SLC38A4: variants seen among roughly 807,000 people sequenced by gnomAD.
SLC38A4 encodes solute carrier family 38 member 4, also known as sodium-coupled neutral amino acid transporter 4.
In SLC38A4, 20 loss-of-function variants were observed where a neutral mutation model predicts 63.1. The ratio of observed to expected loss-of-function variants is 0.32; its 90% confidence interval spans 0.22 to 0.46. SLC38A4 has a LOEUF of 0.46. SLC38A4 is among the 20% of genes least tolerant of loss of function. SLC38A4 has a pLI of 1.00. For synonymous variants in SLC38A4, 230 were observed against 225.5 expected, an observed-to-expected ratio of 1.02 and a Z score of -0.18; for missense variants, 526 against 663.6, an observed-to-expected ratio of 0.79 and a Z score of 2.28.
intron 14 of SLC38A4, among the ~76,000 whole-genome samples, chr12:46,773,666 C>A (rs547800800): frequency 1.2e-4 from 18 of 152,132 alleles, no homozygotes; most frequent in African/African-American, 4.1e-4. Context: ...CAGTAAATGA[C>A]TTTTACTTCC....
chr12:46,768,765 T>C (rs551566443), intron 15 of SLC38A4, among the ~76,000 whole-genome samples: 40 of 152,234 alleles, frequency 2.6e-4, no homozygotes, highest in African/African-American at 9.6e-4. Flanking sequence ...CTACCCATGG[T>C]TCTTTTAAAG....
At chr12:46,814,995 T>C (rs1939409967) in intron 1 of SLC38A4, among the ~76,000 whole-genome samples, 1 of 151,804 alleles carries the variant, frequency 6.6e-6, no homozygotes. Flanking sequence ...TGAGGAGTTT[T>C]ATTCATTTCA....
chr12:46,773,247 A>G (rs1938454120), intron 14 of SLC38A4, among the ~76,000 whole-genome samples: 1 of 151,922 alleles, frequency 6.6e-6, no homozygotes, highest in African/African-American at 2.4e-5. Context: ...ATACATTTCA[A>G]GACAAAGCAA....
chr12:46,817,776 AT>A (rs1939470170), intron 1 of SLC38A4, among the ~76,000 whole-genome samples: 1 of 151,918 alleles, frequency 6.6e-6, no homozygotes, highest in Non-Finnish European at 1.5e-5. Flanking sequence ...ATGATGTTAA[AT>A]TCATGCAACT....
chr12:46,822,426 T>A (rs900712972), intron 1 of SLC38A4, among the ~76,000 whole-genome samples: 3 of 152,148 alleles, frequency 2.0e-5, no homozygotes, highest in African/African-American at 7.2e-5. Context: ...CTACCCCTTC[T>A]TATGACAGCA....
intron 10 of SLC38A4, 33 bp downstream of exon 10, chr12:46,779,578 A>C (rs1463115398): frequency 6.4e-7 from 1 of 1,568,370 alleles, no homozygotes; most frequent in Non-Finnish European, 8.6e-7. Flanking sequence ...CATGCTAACC[A>C]ACCTGCAAGG....
At chr12:46,806,911 T>C (rs1213504752) in intron 1 of SLC38A4, among the ~76,000 whole-genome samples, 2 of 151,934 alleles carry the variant, frequency 1.3e-5, no homozygotes, top group South Asian at 2.1e-4. Context: ...TTTAAAATCA[T>C]TGATTATATG....
chr12:46,827,791 A>G (rs1939679582), upstream of SLC38A4, among the ~76,000 whole-genome samples: 1 of 152,094 alleles, frequency 6.6e-6, no homozygotes, highest in Non-Finnish European at 1.5e-5. Flanking sequence ...TCAAATGGAA[A>G]GATAAGACTT....
In SLC38A4 at chr12:46,776,874, A is replaced by C. The variant is rs754857011; in HGVS notation, c.1174+30T>G. 122 of 1,588,870 alleles carry C rather than the reference A, an allele frequency of 7.7e-5. 1 individual carries two copies. In the East Asian group the frequency reaches 2.7e-3, roughly 35 times the overall value. The stretch of plus-strand genomic sequence containing the variant: ...AAGGACCAGCCTAACAAGGATTTGC[A>C]TATAGAGAATGACTTTCAGAGTGAC... On this transcript the variant is annotated intron_variant, in intron 13 of 16. Transcript: ENST00000266579.
At chr12:46,796,086 G>A (rs763450844) in intron 2 of SLC38A4, among the ~76,000 whole-genome samples, 3 of 151,898 alleles carry the variant, frequency 2.0e-5, no homozygotes, top group Admixed American at 6.6e-5. Flanking sequence ...GTTTATGTTC[G>A]ATCTGTTCAT....
At chr12:46,821,511 T>C (rs1181481341) in intron 1 of SLC38A4, among the ~76,000 whole-genome samples, 2 of 152,140 alleles carry the variant, frequency 1.3e-5, no homozygotes, top group Non-Finnish European at 2.9e-5. Flanking sequence ...GCCATTCTAT[T>C]GATCTATCAC....
intron 1 of SLC38A4, among the ~76,000 whole-genome samples, chr12:46,822,614 A>C (rs984404510): frequency 6.6e-6 from 1 of 152,148 alleles, no homozygotes; most frequent in South Asian, 2.1e-4. Context: ...CCCTGTCTCC[A>C]AGACACGTGG....
intron 4 of SLC38A4, 115 bp downstream of exon 4, chr12:46,788,413 C>G (rs1009627554): frequency 2.5e-6 from 2 of 800,018 alleles, no homozygotes; most frequent in African/African-American, 3.4e-5. Flanking sequence ...TGAATAAACA[C>G]AGAATGTGCT....
chr12:46,772,660 CT>C (rs1017724485), intron 14 of SLC38A4, among the ~76,000 whole-genome samples: 5 of 151,798 alleles, frequency 3.3e-5, no homozygotes, highest in Non-Finnish European at 5.9e-5. Flanking sequence ...TACTATGCAC[CT>C]TTTACTAAAA....
intron 16 of SLC38A4, among the ~76,000 whole-genome samples, chr12:46,767,976 G>T (rs1037535505): frequency 1.3e-5 from 2 of 152,024 alleles, no homozygotes; most frequent in Non-Finnish European, 2.9e-5. Context: ...CACCGCTAGG[G>T]AGCCTAATTC....
At chr12:46,829,431 G>T (rs189392102), upstream of SLC38A4, among the ~76,000 whole-genome samples, 134 of 110,390 alleles carry the variant, frequency 1.2e-3, no homozygotes, top group African/African-American at 4.6e-3. Flanking sequence ...TATTTGCTTT[G>T]GATATGTAAA....
In SLC38A4 at chr12:46,778,331, A is replaced by G; in HGVS notation, c.1031T>C (p.Val344Ala). The change falls in exon 12 of 17, where the codon GTA becomes GCA. Residue 344 changes from valine (V) to alanine (A), a missense_variant. Val to Ala is a moderately conservative substitution (Grantham distance 64). Coordinates refer to ENST00000266579, the MANE Select transcript of SLC38A4 (RefSeq NM_018018.5). The stretch of plus-strand genomic sequence containing the variant: ...GATGGGAAGGACCTCAGGGTGGCAT[A>G]CAAAAGCAAATACTAGGATAGGAAT... Reference protein sequence around the residue: ...YAIPILVFAFVCHPEVLPIYS... With the variant: ...YAIPILVFAFACHPEVLPIYS... 6.2e-7 allele frequency: 1 copy of G among 1,612,802 alleles called. No individual in the cohort carries two copies.
intron 1 of SLC38A4, among the ~76,000 whole-genome samples, chr12:46,804,275 A>G (rs767759925): frequency 5.9e-5 from 9 of 151,960 alleles, no homozygotes; most frequent in Non-Finnish European, 8.8e-5. Flanking sequence ...AGTAGGCAAA[A>G]GGCTGTTTGG....
chr12:46,795,737 T>C (rs1472042785), intron 2 of SLC38A4, among the ~76,000 whole-genome samples: 1 of 152,140 alleles, frequency 6.6e-6, no homozygotes, highest in African/African-American at 2.4e-5. Context: ...AGCATTTTCC[T>C]TCAGAATATT....
Sources: allele counts gnomAD v4.1 joint callset (sites outside exome capture counted in the v4.1 genomes callset), GRCh38; gene constraint gnomAD v4.1.1; transcripts MANE v1.5; gene names NCBI Gene and HGNC (gene_info 2026-07-23, HGNC 2026-07-21).